The following CASS4 variants were observed in gnomAD, a reference collection of about 807,000 sequenced individuals.
CASS4 encodes the protein cas scaffolding protein family member 4.
Under a neutral mutation model 54.2 loss-of-function variants are expected in CASS4, and 22 were observed. The ratio of observed to expected loss-of-function variants is 0.41; its 90% CI spans 0.29 to 0.58. CASS4 has a LOEUF of 0.58. CASS4 is among the 20% of genes least tolerant of loss of function. The pLI is 0.36. For missense variants in CASS4, 854 were observed against 986.7 expected (o/e 0.87, Z 1.80); for synonymous variants, 409 against 391.5 (o/e 1.04, Z -0.53).
In CASS4 at chr20:56,412,687, A is replaced by G. The variant is rs1600738428; in HGVS notation, c.36+193A>G. Among the ~76,000 whole-genome samples the G allele has an allele frequency of 6.6e-6, 1 of 152,236 alleles. No homozygotes were observed. Among genetic ancestry groups the G allele is most frequent in the East Asian group, 1.9e-4 (1 of 5,198 alleles). ...GTTGTAAAGCTCCTTACCAGTTTGCATCCAAGATGGGTGAAAATGACTTTG... is the reference window on the plus strand; with the variant it reads ...GTTGTAAAGCTCCTTACCAGTTTGCGTCCAAGATGGGTGAAAATGACTTTG... On this transcript the variant is annotated intron_variant, in intron 1 of 5. Coordinates refer to ENST00000679887, the MANE Select transcript of CASS4 (RefSeq NM_020356.4). The surrounding 1 kb of genome is among the most constrained non-coding windows in gnomAD (Gnocchi z 4.2).
rs761183534 is a variant in CASS4, at chr20:56,452,946, G to A, written c.1770G>A (p.Arg590=). ...CCAATGGAAGGCTCCTTTTTAAGCG[G>A]AACTGTGAAAAGGAAGAGACTGTGC... ...VIANGRLLFK[R]NCEKEETVQL... is the part of the protein sequence containing the mutation. Residue 590 remains arginine (R), a synonymous_variant, in exon 5 of 6, where the codon CGG becomes CGA. Coordinates refer to ENST00000679887, the MANE Select transcript of CASS4 (RefSeq NM_020356.4). 1 of 1,613,980 alleles carries A rather than the reference G, an allele frequency of 6.2e-7. No individual in the cohort carries two copies. The highest frequency in any genetic ancestry group is 1.1e-5 in the South Asian group (1 of 91,070).
chr20:56,417,779 ACTCTCAG>A (rs1164111741), intron 1 of CASS4, among the ~76,000 whole-genome samples: 1 of 151,538 alleles, frequency 6.6e-6, no homozygotes, highest in African/African-American at 2.4e-5. Context: ...GTCATTCCTG[ACTCTCAG>A]CTCTCTAACC....
chr20:56,413,841 G>A lies in CASS4; in HGVS notation c.36+1347G>A, dbSNP rs529518563. Among the ~76,000 whole-genome samples, 15 of 152,222 alleles carry A rather than the reference G, an allele frequency of 9.9e-5. No individual in the cohort carries two copies. In the East Asian group the frequency reaches 1.7e-3, roughly 18 times the overall value. ...AAACCATTGGAAAAATATGGGAAGC[G>A]TGGGGGTTATTCAGTAAATCCCTGC... On this transcript the variant is annotated intron_variant, in intron 1 of 5. Coordinates refer to ENST00000679887, the MANE Select transcript of CASS4 (RefSeq NM_020356.4).
chr20:56,449,469 G>A (rs1304110174), intron 3 of CASS4, among the ~76,000 whole-genome samples: 1 of 152,046 alleles, frequency 6.6e-6, no homozygotes, highest in Non-Finnish European at 1.5e-5. Context: ...TGGGGTAGGG[G>A]GAGTAGGGGG....
Position 56,412,418 on chromosome 20 carries a change from A to G in CASS4, c.-41A>G, listed in dbSNP as rs1210760467. ...ACAATCTGCCTCTGAAGCTGGAGATACTAGCTGCAGAGCTCAGGGGAGCTG... is the reference window on the plus strand; with the variant it reads ...ACAATCTGCCTCTGAAGCTGGAGATGCTAGCTGCAGAGCTCAGGGGAGCTG... On this transcript the variant is annotated 5_prime_UTR_variant, in exon 1 of 6. In the 5' UTR this introduces an upstream ATG that the reference lacks. Coordinates refer to ENST00000679887, the MANE Select transcript of CASS4 (RefSeq NM_020356.4). This position sits in a 1 kb window ranked among gnomAD's most constrained non-coding sequence, Gnocchi z 4.2. 1.2e-6 allele frequency: 2 copies of G among 1,605,866 alleles called. No individual in the cohort carries two copies. The highest frequency in any genetic ancestry group is 1.1e-5 in the South Asian group (1 of 90,006).
chr20:56,421,058 G>C (rs550996334), intron 1 of CASS4, among the ~76,000 whole-genome samples: 1 of 152,308 alleles, frequency 6.6e-6, no homozygotes, highest in South Asian at 2.1e-4. Context: ...AGATGGAAAA[G>C]TTTGGTGAAC....
chr20:56,428,480 C>T (rs1170542929), intron 1 of CASS4, among the ~76,000 whole-genome samples: 1 of 152,180 alleles, frequency 6.6e-6, no homozygotes, highest in East Asian at 1.9e-4. Flanking sequence ...TCTCTAAGAC[C>T]TCAGCTGCGG....
At chr20:56,428,319 C>T (rs918804277) in intron 1 of CASS4, among the ~76,000 whole-genome samples, 1 of 152,196 alleles carries the variant, frequency 6.6e-6, no homozygotes, top group African/African-American at 2.4e-5. Flanking sequence ...GTAGAGACAG[C>T]CTCAAACTGT....
intron 1 of CASS4, among the ~76,000 whole-genome samples, chr20:56,432,194 G>A (rs150330943): frequency 1.3e-5 from 2 of 152,122 alleles, no homozygotes; most frequent in East Asian, 1.9e-4. Context: ...TATGAAACTG[G>A]TTAAAGTCCT....
rs1490536566 is a variant in CASS4, at chr20:56,452,541, C to T, written c.1365C>T (p.Val455=). Residue 455 remains valine (V), a synonymous_variant, in exon 5 of 6, where the codon GTC becomes GTT. Coordinates refer to ENST00000679887, the MANE Select transcript of CASS4 (RefSeq NM_020356.4). ...MALQHKVVSS[V]AGLMLFVSRK... ...TGCAGCACAAGGTGGTCAGCTCTGTCGCTGGCCTGATGCTCTTTGTCAGCA... is the reference window on the plus strand; with the variant it reads ...TGCAGCACAAGGTGGTCAGCTCTGTTGCTGGCCTGATGCTCTTTGTCAGCA... 5.0e-6 allele frequency: 8 copies of T among 1,613,960 alleles called. No individual in the cohort carries two copies. Among genetic ancestry groups the T allele is most frequent in the Non-Finnish European group, 6.8e-6 (8 of 1,179,996 alleles).
intron 1 of CASS4, among the ~76,000 whole-genome samples, chr20:56,436,542 C>A (rs6099147): frequency 0.057 from 8,706 of 151,918 alleles, 525 homozygotes; most frequent in African/African-American, 0.15. Flanking sequence ...GATGAGGAAA[C>A]TGAGGCTCTA....
At position 56,412,378 on chromosome 20, in the gene CASS4, A is replaced by G. The variant is rs1020414005; in HGVS notation, c.-81A>G. 2 of 1,442,880 alleles carry G rather than the reference A, an allele frequency of 1.4e-6. No individual in the cohort carries two copies. Among genetic ancestry groups the G allele is most frequent in the African/African-American group, 1.4e-5 (1 of 71,382 alleles). 89.4% of individuals were successfully genotyped at this position (1,442,880 alleles called of 1,614,324 possible). ...CAGTTTCTGAGAACCAGCCAGAAGC[A>G]TGCAGTGACATTGCACAATCTGCCT... is the stretch of plus-strand genomic sequence containing the variant. On this transcript the variant is annotated 5_prime_UTR_variant, in exon 1 of 6. It removes an upstream start codon present in the reference 5' UTR. Transcript: ENST00000679887. This position sits in a 1 kb window ranked among gnomAD's most constrained non-coding sequence, Gnocchi z 4.2.
intron 1 of CASS4, among the ~76,000 whole-genome samples, chr20:56,433,698 C>T (rs1476130437): frequency 6.6e-6 from 1 of 152,198 alleles, no homozygotes; most frequent in Non-Finnish European, 1.5e-5. Flanking sequence ...GGCTGTAGCT[C>T]AGCTCTCTGC....
At position 56,434,995 on chromosome 20, in the gene CASS4, C is replaced by T. The variant is rs549451725; in HGVS notation, c.37-2169C>T. 2.9e-3 allele frequency among the ~76,000 whole-genome samples: 435 copies of T among 152,232 alleles called. 2 individuals are homozygous for T. Among genetic ancestry groups the T allele is most frequent in the African/African-American group, 0.01 (421 of 41,544 alleles). On this transcript the variant is annotated intron_variant, in intron 1 of 5. Coordinates refer to ENST00000679887, the MANE Select transcript of CASS4 (RefSeq NM_020356.4). The stretch of plus-strand genomic sequence containing the variant: ...CTTTTTCTTTAATGAACTTTTATTA[C>T]TTTTGTAGAAAGAACAAAATGTTTT...
At chr20:56,436,372 A>ATG (rs1555805174) in intron 1 of CASS4, among the ~76,000 whole-genome samples, 14 of 141,338 alleles carry the variant, frequency 9.9e-5, no homozygotes, top group African/African-American at 3.7e-4. Flanking sequence ...ATATATATAT[A>ATG]TGTATATATA....
At chr20:56,432,107 A>T (rs1979932604) in intron 1 of CASS4, among the ~76,000 whole-genome samples, 1 of 152,084 alleles carries the variant, frequency 6.6e-6, no homozygotes, top group African/African-American at 2.4e-5. Context: ...ATTTATTTTT[A>T]AAAAGAGATC....
chr20:56,424,518 A>C (rs538464022), intron 1 of CASS4, among the ~76,000 whole-genome samples: 1 of 152,206 alleles, frequency 6.6e-6, no homozygotes, highest in East Asian at 1.9e-4. Flanking sequence ...AGGCGGGTGG[A>C]TCATCTGAGG....
intron 1 of CASS4, among the ~76,000 whole-genome samples, chr20:56,413,070 G>A (rs951045599): frequency 1.3e-5 from 2 of 151,756 alleles, no homozygotes; most frequent in Non-Finnish European, 1.5e-5. Flanking sequence ...AGGCACGGTG[G>A]TACATACCTG....
intron 1 of CASS4, among the ~76,000 whole-genome samples, chr20:56,435,172 C>T (rs188922422): frequency 1.3e-5 from 2 of 152,232 alleles, no homozygotes; most frequent in Admixed American, 6.5e-5. Flanking sequence ...CCACACAGAC[C>T]TGCTTGTCTG....
Sources: allele counts gnomAD v4.1 joint callset (sites outside exome capture counted in the v4.1 genomes callset), GRCh38; gene constraint gnomAD v4.1.1; non-coding constraint Gnocchi (gnomAD v3.1); transcripts MANE v1.5; gene names NCBI Gene and HGNC (gene_info 2026-07-23, HGNC 2026-07-21).